CALN1: variants seen among roughly 807,000 people sequenced by gnomAD.
CALN1 encodes the protein calcium-binding protein 8.
CALN1 carries 17 observed loss-of-function variants against 30.6 expected under a neutral mutation model. The ratio of observed to expected loss-of-function variants is 0.56; its 90% CI spans 0.38 to 0.83. The LOEUF is 0.83. Among genes scored for constraint, CALN1 ranks in the 40% least tolerant of loss-of-function variants. The pLI is 0.00. For synonymous variants in CALN1, 156 were observed against 131.4 expected, an observed-to-expected ratio of 1.19 and a Z score of -1.28; for missense variants, 291 against 354.9, an observed-to-expected ratio of 0.82 and a Z score of 1.45.
At chr7:72,453,394 T>C in the CALN1 span, among the ~76,000 whole-genome samples, 1 of 152,204 alleles carries the variant, frequency 6.6e-6, no homozygotes, top group Non-Finnish European at 1.5e-5. Context: ...ATTCAGAAGT[T>C]TCTAGAAAAG....
intron 3 of CALN1, among the ~76,000 whole-genome samples, chr7:72,132,589 G>A (rs188888410): frequency 2.0e-5 from 3 of 152,270 alleles, no homozygotes; most frequent in Admixed American, 2.0e-4. Context: ...TTTGCATCTT[G>A]CACAGGCAGT....
intron 3 of CALN1, among the ~76,000 whole-genome samples, chr7:72,194,423 G>A (rs529197783): frequency 2.6e-5 from 4 of 152,078 alleles, no homozygotes; most frequent in South Asian, 2.1e-4. Context: ...CCAGCTACTC[G>A]GGAGGCTGAG....
intron 5 of CALN1, among the ~76,000 whole-genome samples, chr7:71,837,611 A>G (rs938612918): frequency 6.6e-6 from 1 of 152,298 alleles, no homozygotes; most frequent in South Asian, 2.1e-4. Context: ...GCTCAAAAGC[A>G]TAAAATCTAT....
intron 6 of CALN1, among the ~76,000 whole-genome samples, chr7:71,803,935 T>C (rs1423521518): frequency 1.3e-5 from 1 of 74,906 alleles, no homozygotes; most frequent in East Asian, 4.1e-4. Flanking sequence ...GCTGTGTATT[T>C]GTGTATGTGT....
intron 3 of CALN1, among the ~76,000 whole-genome samples, chr7:72,175,323 T>C (rs1012173133): frequency 9.9e-5 from 15 of 152,142 alleles, no homozygotes; most frequent in African/African-American, 3.6e-4. Flanking sequence ...TCTGCCCGCC[T>C]CGGCCTCCCA....
At chr7:72,429,663 T>A (rs1274454361) in intron 1 of CALN1, among the ~76,000 whole-genome samples, 14 of 150,576 alleles carry the variant, frequency 9.3e-5, no homozygotes, top group Admixed American at 8.0e-4. Flanking sequence ...TCTTCATGAT[T>A]TAACTCCCTT....
intron 1 of CALN1, among the ~76,000 whole-genome samples, chr7:72,433,141 C>T (rs572726674): frequency 1.3e-5 from 2 of 152,144 alleles, no homozygotes; most frequent in Non-Finnish European, 2.9e-5. Context: ...CTGAATCACT[C>T]ACTACAAGGG....
At chr7:72,145,020 G>C (rs1453443720) in intron 3 of CALN1, among the ~76,000 whole-genome samples, 1 of 152,020 alleles carries the variant, frequency 6.6e-6, no homozygotes, top group African/African-American at 2.4e-5. Context: ...GAGAAAGCAG[G>C]GAAGTTCTAA....
At chr7:72,097,609 A>G (rs1481093264) in intron 4 of CALN1, among the ~76,000 whole-genome samples, 1 of 151,342 alleles carries the variant, frequency 6.6e-6, no homozygotes, top group Non-Finnish European at 1.5e-5. Context: ...GAAGTTCAAG[A>G]CAGCCTGAGC....
At chr7:72,154,620 C>A (rs901942880) in intron 3 of CALN1, among the ~76,000 whole-genome samples, 3 of 152,112 alleles carry the variant, frequency 2.0e-5, no homozygotes, top group African/African-American at 7.2e-5. Context: ...CACAGAGGGC[C>A]TCTGTGTCTC....
intron 4 of CALN1, among the ~76,000 whole-genome samples, chr7:72,086,118 T>C (rs1050835662): frequency 1.3e-5 from 2 of 152,210 alleles, no homozygotes; most frequent in East Asian, 3.8e-4. Flanking sequence ...TTAATACATA[T>C]GAAATCCAAA....
At chr7:72,501,370 T>TA in the CALN1 span, among the ~76,000 whole-genome samples, 789 of 42,810 alleles carry the variant, frequency 0.018, 85 homozygotes, top group African/African-American at 0.051. Flanking sequence ...ACGTCTCTAT[T>TA]AAAAAAAAAA....
At chr7:72,067,080 C>T (rs796702049) in intron 4 of CALN1, among the ~76,000 whole-genome samples, 13 of 152,060 alleles carry the variant, frequency 8.5e-5, no homozygotes, top group African/African-American at 3.1e-4. Context: ...TGAGCCACCA[C>T]GCCCAGCTGG....
chr7:72,147,326 AAAG>A (rs1209589242), intron 3 of CALN1, among the ~76,000 whole-genome samples: 5 of 152,178 alleles, frequency 3.3e-5, no homozygotes, highest in Admixed American at 6.5e-5. Context: ...ACACTTCTCA[AAAG>A]AAGACATTTA....
At chr7:72,412,739 A>G (rs77970920), upstream of CALN1, among the ~76,000 whole-genome samples, 880 of 152,300 alleles carry the variant, frequency 5.8e-3, 13 homozygotes, top group Non-Finnish European at 8.6e-3. Flanking sequence ...ATTCCAAATC[A>G]AGCCCTTGTC....
chr7:71,918,328 G>A (rs958239608), intron 5 of CALN1, among the ~76,000 whole-genome samples: 2 of 152,160 alleles, frequency 1.3e-5, no homozygotes, highest in Non-Finnish European at 2.9e-5. Flanking sequence ...TGCTTCCTTT[G>A]AAACAATGCA....
At chr7:71,845,751 C>G (rs1790193639) in intron 5 of CALN1, among the ~76,000 whole-genome samples, 1 of 151,998 alleles carries the variant, frequency 6.6e-6, no homozygotes, top group Non-Finnish European at 1.5e-5. Flanking sequence ...GGATTTCCCG[C>G]TGGGTTAAGA....
At chr7:72,300,339 T>TC (rs899293341) in intron 2 of CALN1, among the ~76,000 whole-genome samples, 7 of 152,122 alleles carry the variant, frequency 4.6e-5, no homozygotes, top group African/African-American at 1.7e-4. Flanking sequence ...ATTTTTTTTT[T>TC]CAGTCTGTCC....
intron 5 of CALN1, among the ~76,000 whole-genome samples, chr7:71,850,633 G>C (rs903356083): frequency 2.0e-5 from 3 of 152,328 alleles, no homozygotes; most frequent in Admixed American, 6.5e-5. Context: ...GGAGGTTATA[G>C]ATTCTGGAGG....
Sources: gnomAD v4.1 joint callset for allele counts (sites outside exome capture counted in the v4.1 genomes callset) on GRCh38, gnomAD v4.1.1 for gene constraint, MANE v1.5 for transcripts, NCBI Gene and HGNC (gene_info 2026-07-23, HGNC 2026-07-21) for gene names.